Variants in MCM10 observed in about 807,000 individuals in gnomAD.
MCM10 encodes the protein minichromosome maintenance 10 replication initiation factor.
In MCM10, 91 loss-of-function variants were observed where a neutral mutation model predicts 109.9. The observed-to-expected ratio is 0.83, with a 90% confidence interval of 0.70 to 0.99. MCM10 has a LOEUF of 0.99. MCM10 is among the 50% of genes least tolerant of loss of function. The pLI is 0.00. For synonymous variants in MCM10, 380 were observed against 387.2 expected, an observed-to-expected ratio of 0.98 and a Z score of 0.22; for missense variants, 1,077 against 1,061.2, an observed-to-expected ratio of 1.01 and a Z score of -0.21.
At chr10:13,177,208 G>C (rs1184750052) in intron 6 of MCM10, among the ~76,000 whole-genome samples, 1 of 152,080 alleles carries the variant, frequency 6.6e-6, no homozygotes, top group African/African-American at 2.4e-5. Flanking sequence ...AAAAGCTTCT[G>C]AGTGGCTTTT....
intron 8 of MCM10, 30 bp from the exon 9 acceptor site, chr10:13,186,134 C>A (rs374635605): frequency 1.5e-6 from 2 of 1,332,442 alleles, no homozygotes; most frequent in Admixed American, 1.8e-5. Context: ...TTTTGTCCGC[C>A]TTTAACTCCT....
chr10:13,191,763 T>C (rs1393423039), intron 11 of MCM10, among the ~76,000 whole-genome samples: 2 of 152,218 alleles, frequency 1.3e-5, no homozygotes, highest in African/African-American at 4.8e-5. Flanking sequence ...CTTAGTATGC[T>C]TTTTAAAATT....
intron 2 of MCM10, among the ~76,000 whole-genome samples, chr10:13,166,103 G>A (rs894307078): frequency 6.6e-6 from 1 of 152,022 alleles, no homozygotes; most frequent in Non-Finnish European, 1.5e-5. Context: ...GTCTTTGTAT[G>A]CTGACAGGAG....
At chr10:13,181,245 T>G (rs1834205655) in intron 7 of MCM10, among the ~76,000 whole-genome samples, 2 of 152,200 alleles carry the variant, frequency 1.3e-5, no homozygotes, top group Non-Finnish European at 2.9e-5. Flanking sequence ...AGGAACTGAC[T>G]TTGATTAGAT....
chr10:13,196,329 A>G (rs7085397), intron 14 of MCM10, among the ~76,000 whole-genome samples: 3,519 of 152,226 alleles, frequency 0.023, 105 homozygotes, highest in African/African-American at 0.066. Flanking sequence ...TGAGTGCCCC[A>G]ATCGAGCCTC....
At chr10:13,206,058 G>T (rs193204463) in intron 18 of MCM10, among the ~76,000 whole-genome samples, 1 of 152,022 alleles carries the variant, frequency 6.6e-6, no homozygotes, top group Non-Finnish European at 1.5e-5. Context: ...CTATCCCTTC[G>T]CACCATCCTC....
At chr10:13,170,663 G>A (rs1022400664) in intron 2 of MCM10, among the ~76,000 whole-genome samples, 2 of 151,978 alleles carry the variant, frequency 1.3e-5, no homozygotes, top group African/African-American at 4.8e-5. Context: ...TGGTGCATCT[G>A]TAGGTTTTTG....
chr10:13,179,909 T>C (rs1215427135), intron 6 of MCM10, among the ~76,000 whole-genome samples: 2 of 152,202 alleles, frequency 1.3e-5, no homozygotes, highest in Non-Finnish European at 2.9e-5. Flanking sequence ...TTTCTTGTAT[T>C]CTATATAAGC....
chr10:13,183,150 C>T (rs1834231691), intron 8 of MCM10, 50 bp downstream of exon 8: 1 of 1,585,924 alleles, frequency 6.3e-7, no homozygotes. Context: ...TACAAGTTAA[C>T]TGAGTTTTAT....
intron 13 of MCM10, among the ~76,000 whole-genome samples, chr10:13,194,031 TG>T (rs1260217444): frequency 6.6e-6 from 1 of 152,062 alleles, no homozygotes; most frequent in Non-Finnish European, 1.5e-5. Context: ...ATGAGAAGTT[TG>T]GACTAGATGA....
chr10:13,205,499 C>T (rs1217488353), intron 18 of MCM10, among the ~76,000 whole-genome samples: 3 of 152,110 alleles, frequency 2.0e-5, no homozygotes, highest in African/African-American at 7.2e-5. Flanking sequence ...CATACATGTG[C>T]AGAAATCAGT....
At position 13,161,603 on chromosome 10, in the gene MCM10, T is replaced by A. The variant is rs1210077007; in HGVS notation, c.-79T>A. The A allele has an allele frequency of 6.6e-6, 1 of 152,288 alleles. No individual in the cohort carries two copies. The allele number at this position is 152,288 out of a possible 1,614,324, so 9.4% of individuals were successfully genotyped here. On this transcript the variant is annotated 5_prime_UTR_variant, in exon 1 of 20. Transcript: ENST00000378714. ...TGTGAACGAAGAAGGCGTCCCGGCA[T>A]CGGGTGAGGAGCGCGGGCCCCGGGC...
At position 13,186,153 on chromosome 10, in the gene MCM10, T is replaced by A. The variant is rs1434032115; in HGVS notation, c.1099-11T>A. ...GTCCGCCTTTAACTCCTGCCCCACC[T>A]TTTCTTACAGGTGTGTTTATCTATC... is the stretch of plus-strand genomic sequence containing the variant. On this transcript the variant is annotated splice_polypyrimidine_tract_variant and intron_variant, in intron 8 of 19. Transcript: ENST00000378714. 4 of 1,530,584 alleles carry A rather than the reference T, an allele frequency of 2.6e-6. No individual in the cohort carries two copies. The highest frequency in any genetic ancestry group is 3.4e-5 in the Admixed American group (2 of 58,428). The allele number at this position is 1,530,584 out of a possible 1,614,324, so 94.8% of individuals were successfully genotyped here.
rs756457741 is a variant in MCM10, at chr10:13,192,438, G to A, written c.1628-13G>A. 1.9e-6 allele frequency: 3 copies of A among 1,614,088 alleles called. No individual in the cohort carries two copies. The highest frequency in any genetic ancestry group is 2.5e-6 in the Non-Finnish European group (3 of 1,179,968). On this transcript the variant is annotated splice_polypyrimidine_tract_variant and intron_variant, in intron 12 of 19. Transcript: ENST00000378714. Reference sequence around the variant, plus strand: ...CTCCCAGGGCACCCCCTCAGTCTGGGCTTCTGTTTCAGGGATTATGGGGAG... The same window carrying A: ...CTCCCAGGGCACCCCCTCAGTCTGGACTTCTGTTTCAGGGATTATGGGGAG...
At chr10:13,198,169 C>T (rs1834448259) in intron 15 of MCM10, among the ~76,000 whole-genome samples, 1 of 152,092 alleles carries the variant, frequency 6.6e-6, no homozygotes, top group African/African-American at 2.4e-5. Context: ...GCCTTGACCT[C>T]CCAAAGTGCT....
At chr10:13,184,630 A>C (rs1834251190) in intron 8 of MCM10, among the ~76,000 whole-genome samples, 1 of 152,222 alleles carries the variant, frequency 6.6e-6, no homozygotes, top group African/African-American at 2.4e-5. Context: ...TCTATTGGTT[A>C]GGAATGTGTT....
At chr10:13,169,864 C>G (rs1490006837) in intron 2 of MCM10, among the ~76,000 whole-genome samples, 1 of 152,206 alleles carries the variant, frequency 6.6e-6, no homozygotes, top group Non-Finnish European at 1.5e-5. Context: ...GGCCACCACG[C>G]CCAGCTAATT....
chr10:13,178,863 G>A (rs1001998653), intron 6 of MCM10, among the ~76,000 whole-genome samples: 7 of 152,138 alleles, frequency 4.6e-5, no homozygotes, highest in African/African-American at 1.7e-4. Context: ...TCCATATTTG[G>A]TATCCTCTTT....
rs937968185 is a variant in MCM10 at position 13,192,303 on chromosome 10, T to C, written c.1565T>C (p.Met522Thr). Residue 522 changes from methionine (M) to threonine (T), a missense_variant, in exon 12 of 20, where the codon ATG becomes ACG. Physicochemically the swap from Met to Thr is moderately conservative, Grantham distance 81. Transcript: ENST00000378714. ...LSCSEEFKEL[M>T]DLPTCGARNL... ...TGCTCTGAGGAGTTCAAGGAACTGA[T>C]GGACCTGCCGACGTGTGGAGCCAGG... is the stretch of plus-strand genomic sequence containing the variant. 6.2e-7 allele frequency: 1 copy of C among 1,614,198 alleles called. No individual in the cohort carries two copies. The highest frequency in any genetic ancestry group is 8.5e-7 in the Non-Finnish European group (1 of 1,180,034).
Sources: gnomAD v4.1 joint callset for allele counts (sites outside exome capture counted in the v4.1 genomes callset) on GRCh38, gnomAD v4.1.1 for gene constraint, MANE v1.5 for transcripts, NCBI Gene and HGNC (gene_info 2026-07-23, HGNC 2026-07-21) for gene names.